Variants in POLD1 observed in about 807,000 individuals in gnomAD.
POLD1 encodes DNA polymerase delta 1, catalytic subunit, also known as DNA polymerase delta catalytic subunit.
Under a neutral mutation model 129.7 loss-of-function variants are expected in POLD1, and 79 were observed. That is an observed-to-expected ratio of 0.61 (90% confidence interval 0.51 to 0.73). POLD1 has a LOEUF of 0.73. Among genes scored for constraint, POLD1 ranks in the 30% least tolerant of loss-of-function variants. POLD1 has a pLI of 0.00. For synonymous variants in POLD1, 714 were observed against 683.3 expected (o/e 1.04, Z -0.70); for missense variants, 1,338 against 1,595.8 (o/e 0.84, Z 2.75).
At chr19:50,412,614 A>G (rs548254954) in intron 17 of POLD1, among the ~76,000 whole-genome samples, 6 of 152,318 alleles carry the variant, frequency 3.9e-5, no homozygotes, top group South Asian at 2.1e-4. Flanking sequence ...AAATGGACAA[A>G]ATGCTCTAGT....
In POLD1 at chr19:50,412,144, C is replaced by G. The variant is rs117459396; in HGVS notation, c.2155-1282C>G. ...CTGGGTGACAGAGTTGAGACCCTGTCTCTTTTAGTTTTTGTTTGTTTGTTT... is the reference window on the plus strand; with the variant it reads ...CTGGGTGACAGAGTTGAGACCCTGTGTCTTTTAGTTTTTGTTTGTTTGTTT... On this transcript the variant is annotated intron_variant, in intron 17 of 26. Coordinates refer to ENST00000440232, the MANE Select transcript of POLD1 (RefSeq NM_002691.4). Among the ~76,000 whole-genome samples the G allele has an allele frequency of 6.8e-3, 1,033 of 152,194 alleles. 7 individuals are homozygous for G. Among genetic ancestry groups the G allele is most frequent in the Non-Finnish European group, 0.01 (689 of 68,002 alleles).
In POLD1 at chr19:50,407,054, G is replaced by A. The variant is rs1601219364; in HGVS notation, c.1566G>A (p.Leu522=). ...AGGATGCCTACCTGCCACTGCGGCT[G>A]CTGGAGCGGCTCATGGTGCTGGTGA... The part of the protein sequence containing the change: ...CLKDAYLPLR[L]LERLMVLVNA... The change falls in exon 13 of 27, where the codon CTG becomes CTA. Residue 522 remains leucine (L), a synonymous_variant. Transcript: ENST00000440232. 1 of 1,613,646 alleles carries A rather than the reference G, an allele frequency of 6.2e-7. No homozygotes were observed. Among genetic ancestry groups the A allele is most frequent in the Admixed American group, 1.7e-5 (1 of 59,982 alleles).
At chr19:50,386,313 T>C (rs557731645) in intron 1 of POLD1, among the ~76,000 whole-genome samples, 19 of 152,178 alleles carry the variant, frequency 1.2e-4, no homozygotes, top group Non-Finnish European at 1.3e-4. Context: ...AATTTTTGTA[T>C]TTTTAGTAGA....
At chr19:50,415,159 T>C (rs1170772378) in intron 20 of POLD1, among the ~76,000 whole-genome samples, 169 bp downstream of exon 20, 1 of 151,632 alleles carries the variant, frequency 6.6e-6, no homozygotes, top group Non-Finnish European at 1.5e-5. Flanking sequence ...CTTCCTCTCT[T>C]AGATACAAGA....
chr19:50,395,221 GCC>G (rs2038309433), intron 1 of POLD1: 1 of 145,198 alleles, frequency 6.9e-6, no homozygotes, highest in African/African-American at 2.8e-5. Flanking sequence ...AATAGTGTAG[GCC>G]GGGCGCGGTG....
chr19:50,407,808 G>A (rs1330234801), intron 14 of POLD1, among the ~76,000 whole-genome samples: 8 of 144,318 alleles, frequency 5.5e-5, no homozygotes, highest in Non-Finnish European at 1.0e-4. Flanking sequence ...ATCTGACCTC[G>A]TGATCCACCT....
At chr19:50,414,372 C>T (rs3219427) in intron 19 of POLD1, among the ~76,000 whole-genome samples, 2,283 of 152,368 alleles carry the variant, frequency 0.015, 56 homozygotes, top group African/African-American at 0.051. Context: ...CCCGCCTTGG[C>T]CTCCTGAGCC....
chr19:50,404,904 A>G (rs2038817230), intron 10 of POLD1, among the ~76,000 whole-genome samples: 1 of 152,080 alleles, frequency 6.6e-6, no homozygotes, highest in East Asian at 1.9e-4. Context: ...AGTAGCTGGG[A>G]TTATAGGCAC....
At chr19:50,416,244 C>G (rs1049954605) in intron 22 of POLD1, 152 bp from the exon 23 acceptor site, 2 of 721,974 alleles carry the variant, frequency 2.8e-6, no homozygotes, top group East Asian at 2.7e-5. Flanking sequence ...CCAGAGACTC[C>G]GTGACCTCCG....
At chr19:50,404,418 A>T (rs2122290553) in intron 10 of POLD1, among the ~76,000 whole-genome samples, 1 of 147,762 alleles carries the variant, frequency 6.8e-6, no homozygotes, top group African/African-American at 2.6e-5. Context: ...GCCCGCCACC[A>T]CGCCTGGCTA....
At chr19:50,384,648 A>G (rs1601153860) in intron 1 of POLD1, among the ~76,000 whole-genome samples, 1 of 144,294 alleles carries the variant, frequency 6.9e-6, no homozygotes, top group African/African-American at 2.6e-5. Flanking sequence ...GCCCGGGAGG[A>G]GCTGGGGGGA....
rs1230324348 is a variant in POLD1 at position 50,415,780 on chromosome 19, T to C, written c.2774T>C (p.Val925Ala). Residue 925 changes from valine (V) to alanine (A), a missense_variant, in exon 22 of 27, where the codon GTG (valine) becomes GCG (alanine). Val to Ala is a moderately conservative substitution (Grantham distance 64). Around this residue, in one of 3 missense-constraint regions of POLD1, gnomAD observed 286 missense variants for 277.5 expected, o/e 1.03. Coordinates refer to ENST00000440232, the MANE Select transcript of POLD1 (RefSeq NM_002691.4). Reference protein sequence around the residue: ...APSLGDRVPYVIISAAKGVAA... With the variant: ...APSLGDRVPYAIISAAKGVAA... ...AGCCTGGGCGACCGCGTCCCCTACG[T>C]GATCATCAGTGCCGCCAAGGGTGTG... is the stretch of plus-strand genomic sequence containing the variant. 4 of 1,569,326 alleles carry C rather than the reference T, an allele frequency of 2.5e-6. No homozygotes were observed. The highest frequency in any genetic ancestry group is 1.3e-5 in the African/African-American group (1 of 74,208).
intron 8 of POLD1, 122 bp downstream of exon 8, chr19:50,402,863 ATG>A (rs1287238641): frequency 9.4e-6 from 13 of 1,383,042 alleles, no homozygotes; most frequent in Non-Finnish European, 1.3e-5. Context: ...ACCCCAGCCC[ATG>A]TGGCCAGATG....
chr19:50,385,222 G>A (rs538155232), intron 1 of POLD1, among the ~76,000 whole-genome samples: 64 of 152,306 alleles, frequency 4.2e-4, no homozygotes, highest in Non-Finnish European at 7.9e-4. Context: ...TGTTAGGAGG[G>A]AGAGCGTCCT....
Position 50,402,072 on chromosome 19 carries a change from G to C in POLD1, c.537G>C (p.Gly179=), listed in dbSNP as rs756483178. Reference sequence around the variant, plus strand: ...CCATCAGCCGGGACAGTCGCGGGGGGAGGGAGCTGACTGGGCCGGCCGTGC... The same window carrying C: ...CCATCAGCCGGGACAGTCGCGGGGGCAGGGAGCTGACTGGGCCGGCCGTGC... ...NLAISRDSRG[G]RELTGPAVLA... The change falls in exon 5 of 27, where the codon GGG becomes GGC. Residue 179 remains glycine (G), a synonymous_variant. Transcript: ENST00000440232. 1 of 1,614,072 alleles carries C rather than the reference G, an allele frequency of 6.2e-7. No individual in the cohort carries two copies. The highest frequency in any genetic ancestry group is 8.5e-7 in the Non-Finnish European group (1 of 1,179,994).
chr19:50,409,822 C>T lies in POLD1; in HGVS notation c.2154+156C>T, dbSNP rs894976000. Among the ~76,000 whole-genome samples, 1 of 152,200 alleles carries T rather than the reference C, an allele frequency of 6.6e-6. No individual in the cohort carries two copies. The highest frequency in any genetic ancestry group is 2.4e-5 in the African/African-American group (1 of 41,450). ...TGCCAATGTGGCTTGAGCAATTGGTCCATTCCTTCACTCAGCAAATGCCTA... is the reference window on the plus strand; with the variant it reads ...TGCCAATGTGGCTTGAGCAATTGGTTCATTCCTTCACTCAGCAAATGCCTA... On this transcript the variant is annotated intron_variant, in intron 17 of 26. Coordinates refer to ENST00000440232, the MANE Select transcript of POLD1 (RefSeq NM_002691.4). This position sits in a 1 kb window ranked among gnomAD's most constrained non-coding sequence, Gnocchi z 5.8.
At chr19:50,384,809 TC>T (rs2037915604) in intron 1 of POLD1, among the ~76,000 whole-genome samples, 1 of 152,074 alleles carries the variant, frequency 6.6e-6, no homozygotes, top group Non-Finnish European at 1.5e-5. Flanking sequence ...TTTTAATAGA[TC>T]AGTAAAGCAG....
At chr19:50,411,672 C>T (rs2039093050) in intron 17 of POLD1, among the ~76,000 whole-genome samples, 1 of 152,142 alleles carries the variant, frequency 6.6e-6, no homozygotes, top group African/African-American at 2.4e-5. Context: ...AACCCTGTCT[C>T]TATTAAAAAT....
chr19:50,408,884 G>A lies in POLD1; in HGVS notation c.1875G>A (p.Gly625=). ...GTTACACCACGCTCCTTCGGCCCGG[G>A]ACTGCACAGAAACTGGGGTATAGTG... ...NLCYTTLLRP[G]TAQKLGLTED... The change falls in exon 15 of 27, where the codon GGG becomes GGA. Residue 625 remains glycine, a synonymous_variant. Coordinates refer to ENST00000440232, the MANE Select transcript of POLD1 (RefSeq NM_002691.4). 5 of 1,612,138 alleles carry A rather than the reference G, an allele frequency of 3.1e-6. No homozygotes were observed. The highest frequency in any genetic ancestry group is 4.2e-6 in the Non-Finnish European group (5 of 1,179,100).
Sources: gnomAD v4.1 joint callset for allele counts (sites outside exome capture counted in the v4.1 genomes callset) on GRCh38, gnomAD v4.1.1 for gene constraint, gnomAD v4.1.1 regional missense constraint, Gnocchi (gnomAD v3.1) non-coding constraint, MANE v1.5 for transcripts, NCBI Gene and HGNC (gene_info 2026-07-23, HGNC 2026-07-21) for gene names.